NRDC: variants seen among roughly 807,000 people sequenced by gnomAD.
The protein encoded by NRDC is nardilysin.
Under a neutral mutation model 147.1 loss-of-function variants are expected in NRDC, and 54 were observed. The observed-to-expected ratio is 0.37, with a 90% CI of 0.29 to 0.46. The LOEUF (loss-of-function observed/expected upper bound fraction) is 0.46. Ranked by LOEUF, NRDC falls within the 20% of genes least tolerant of loss-of-function variation. The pLI, the probability that NRDC is intolerant of heterozygous loss-of-function variation, is 1.00. For synonymous variants in NRDC, 440 were observed against 482.1 expected (o/e 0.91, Z 1.14); for missense variants, 1,082 against 1,370.6 (o/e 0.79, Z 3.33).
At chr1:51,826,049 C>A (rs1680431156) in intron 5 of NRDC, among the ~76,000 whole-genome samples, 1 of 152,170 alleles carries the variant, frequency 6.6e-6, no homozygotes, top group South Asian at 2.1e-4. Flanking sequence ...TTTCTATGAA[C>A]CAGAGAGCAG....
At chr1:51,834,851 CA>C (rs1410168211) in intron 3 of NRDC, among the ~76,000 whole-genome samples, 1 of 152,034 alleles carries the variant, frequency 6.6e-6, no homozygotes, top group Non-Finnish European at 1.5e-5. Context: ...ACTGCTGTTA[CA>C]ACTTAATCTC....
At chr1:51,791,987 G>T in intron 26 of NRDC, 59 bp downstream of exon 26, 1 of 1,553,788 alleles carries the variant, frequency 6.4e-7, no homozygotes, top group African/African-American at 1.4e-5. Context: ...CTGATGAACA[G>T]CCTGCAAAGT....
chr1:51,871,154 T>TA (rs1683067838), intron 1 of NRDC, among the ~76,000 whole-genome samples: 1 of 151,924 alleles, frequency 6.6e-6, no homozygotes, highest in Non-Finnish European at 1.5e-5. Context: ...CCCTCTCTAC[T>TA]AAAAATACAA....
chr1:51,815,472 A>C (rs1414699934), intron 11 of NRDC, among the ~76,000 whole-genome samples: 1 of 151,926 alleles, frequency 6.6e-6, no homozygotes, highest in Non-Finnish European at 1.5e-5. Flanking sequence ...TTCCCTGACT[A>C]GATTAATTCT....
chr1:51,807,957 C>A (rs1346392095), intron 17 of NRDC, among the ~76,000 whole-genome samples: 1 of 152,036 alleles, frequency 6.6e-6, no homozygotes, highest in Non-Finnish European at 1.5e-5. Flanking sequence ...AGGCATGCGC[C>A]ACCACGCCTG....
intron 1 of NRDC, among the ~76,000 whole-genome samples, chr1:51,870,659 T>C (rs1023888677): frequency 2.0e-5 from 3 of 152,132 alleles, no homozygotes; most frequent in Admixed American, 2.0e-4. Flanking sequence ...GTTACTTCCT[T>C]CACTTTAAGT....
At chr1:51,845,303 TC>T (rs1264763060) in intron 1 of NRDC, among the ~76,000 whole-genome samples, 2 of 152,080 alleles carry the variant, frequency 1.3e-5, no homozygotes, top group Non-Finnish European at 2.9e-5. Context: ...ATGAAATGTC[TC>T]CTTTTGGCCC....
Position 51,878,644 on chromosome 1 carries a change from C to T in NRDC, c.-29G>A. ...CCACCAAGCTGGAGCGATGGACATC[C>T]CGCTTCCCAGGACCCACCTCCTCCG... On this transcript the variant is annotated 5_prime_UTR_variant, in exon 1 of 31. Coordinates refer to ENST00000352171, the MANE Select transcript of NRDC (RefSeq NM_001101662.2). 1 of 1,578,672 alleles carries T rather than the reference C, an allele frequency of 6.3e-7. No homozygotes were observed. The highest frequency in any genetic ancestry group is 8.6e-7 in the Non-Finnish European group (1 of 1,160,162).
chr1:51,794,104 C>T (rs1258934867), intron 24 of NRDC: 2 of 182,274 alleles, frequency 1.1e-5, no homozygotes, highest in Non-Finnish European at 2.3e-5. Flanking sequence ...CTCTAGTAGT[C>T]GTTCTCTTTG....
At chr1:51,860,216 C>G (rs766583800) in intron 1 of NRDC, 1 of 155,662 alleles carries the variant, frequency 6.4e-6, no homozygotes, top group Non-Finnish European at 1.5e-5. Flanking sequence ...TCTTTCACCT[C>G]AGAGATACTC....
intron 1 of NRDC, among the ~76,000 whole-genome samples, chr1:51,869,738 T>C (rs983739143): frequency 4.3e-4 from 66 of 152,198 alleles, no homozygotes; most frequent in Non-Finnish European, 9.1e-4. Context: ...TTATCCAATA[T>C]ATAAACAGTA....
chr1:51,878,706 C>G lies in NRDC; in HGVS notation c.-91G>C. ...CGGTGGCGGCCGGCCCTGGTGCTGC[C>G]GCAGCCGCGGGGAACAGGCCTGAAC... On this transcript the variant is annotated 5_prime_UTR_variant, in exon 1 of 31. Coordinates refer to ENST00000352171, the MANE Select transcript of NRDC (RefSeq NM_001101662.2). 1 of 1,193,994 alleles carries G rather than the reference C, an allele frequency of 8.4e-7. No individual in the cohort carries two copies. Among genetic ancestry groups the G allele is most frequent in the Non-Finnish European group, 1.2e-6 (1 of 846,590 alleles). 74.0% of individuals were successfully genotyped at this position (1,193,994 alleles called of 1,614,324 possible).
At chr1:51,844,193 CT>C (rs1157599226) in intron 1 of NRDC, among the ~76,000 whole-genome samples, 1 of 152,002 alleles carries the variant, frequency 6.6e-6, no homozygotes, top group East Asian at 1.9e-4. Context: ...TCTCAGCAGG[CT>C]AAGTAAAGCA....
At chr1:51,810,461 T>G in intron 15 of NRDC, 57 bp from the exon 16 acceptor site, 16 of 1,500,510 alleles carry the variant, frequency 1.1e-5, no homozygotes, top group Non-Finnish European at 1.4e-5. Context: ...AATACATCTC[T>G]GTTAAAAAGG....
At chr1:51,826,005 C>G (rs759310362) in intron 5 of NRDC, among the ~76,000 whole-genome samples, 1 of 152,204 alleles carries the variant, frequency 6.6e-6, no homozygotes, top group Non-Finnish European at 1.5e-5. Flanking sequence ...TCCCTTGCCC[C>G]TTCTGCTGTA....
chr1:51,858,100 G>C (rs6691091), intron 1 of NRDC, among the ~76,000 whole-genome samples: 77,731 of 152,042 alleles, frequency 0.51, 21,168 homozygotes, highest in East Asian at 0.93. Flanking sequence ...GAGGGGTCCT[G>C]AATTAGTCTT....
chr1:51,842,608 G>A (rs1041568095), intron 1 of NRDC, among the ~76,000 whole-genome samples: 7 of 152,110 alleles, frequency 4.6e-5, no homozygotes, highest in African/African-American at 1.2e-4. Flanking sequence ...AACAAACTAC[G>A]ACAGTGGTTA....
intron 4 of NRDC, among the ~76,000 whole-genome samples, chr1:51,829,201 C>T (rs568983248): frequency 3.7e-4 from 56 of 152,278 alleles, no homozygotes; most frequent in African/African-American, 1.3e-3. Flanking sequence ...GTAGCTGAGG[C>T]TACAGGCATG....
At chr1:51,812,972 A>C (rs1018675397) in intron 14 of NRDC, among the ~76,000 whole-genome samples, 6 of 151,264 alleles carry the variant, frequency 4.0e-5, no homozygotes, top group Non-Finnish European at 8.9e-5. Flanking sequence ...AAAAAAAAAA[A>C]AAAAAAAAAA....
Sources: gnomAD v4.1 joint callset for allele counts (sites outside exome capture counted in the v4.1 genomes callset) on GRCh38, gnomAD v4.1.1 for gene constraint, MANE v1.5 for transcripts, NCBI Gene and HGNC (gene_info 2026-07-23, HGNC 2026-07-21) for gene names.